FAM81A: variants seen among roughly 807,000 people sequenced by gnomAD.
FAM81A encodes the protein protein FAM81A.
Under a neutral mutation model 46.7 loss-of-function variants are expected in FAM81A, and 19 were observed. The observed-to-expected ratio is 0.41, with a 90% CI of 0.28 to 0.60. FAM81A has a LOEUF of 0.60. FAM81A is among the 20% of genes least tolerant of loss of function. The pLI is 0.34. For synonymous variants in FAM81A, 183 were observed against 152.9 expected, an observed-to-expected ratio of 1.20 and a Z score of -1.45; for missense variants, 377 against 453.5, an observed-to-expected ratio of 0.83 and a Z score of 1.53.
chr15:59,511,817 ATT>A (rs1277579616), intron 6 of FAM81A, among the ~76,000 whole-genome samples: 1 of 151,880 alleles, frequency 6.6e-6, no homozygotes, highest in Non-Finnish European at 1.5e-5. Flanking sequence ...TGCCCAGCTA[ATT>A]TTTGTATTTT....
At chr15:59,449,454 G>A (rs1380183282) in intron 1 of FAM81A, among the ~76,000 whole-genome samples, 1 of 152,096 alleles carries the variant, frequency 6.6e-6, no homozygotes, top group Non-Finnish European at 1.5e-5. Context: ...TTACAGATTT[G>A]GCATATTATT....
Position 59,478,529 on chromosome 15 carries a change from T to A in FAM81A, c.295-13742T>A, listed in dbSNP as rs74019605. On this transcript the variant is annotated intron_variant, in intron 3 of 8. Coordinates refer to ENST00000288228, the MANE Select transcript of FAM81A (RefSeq NM_152450.3). ...TCCAGTACTGCCAATGAGGAAAGAG[T>A]TTTGGCTACTGGACTTCATGCATTT... Among the ~76,000 whole-genome samples, 868 of 152,048 alleles carry A rather than the reference T, an allele frequency of 5.7e-3. 14 individuals carry two copies. Among genetic ancestry groups the A allele is most frequent in the African/African-American group, 0.02 (818 of 41,476 alleles).
At chr15:59,454,603 A>G (rs780279628) in intron 1 of FAM81A, among the ~76,000 whole-genome samples, 52 of 151,918 alleles carry the variant, frequency 3.4e-4, no homozygotes, top group Non-Finnish European at 6.9e-4. Context: ...TATATATTGC[A>G]TATTTTGGGC....
At chr15:59,477,321 T>C (rs143060649) in intron 3 of FAM81A, among the ~76,000 whole-genome samples, 104 of 152,250 alleles carry the variant, frequency 6.8e-4, no homozygotes, top group African/African-American at 2.3e-3. Flanking sequence ...TTATTGCTGG[T>C]TTATAGCTGT....
intron 1 of FAM81A, among the ~76,000 whole-genome samples, chr15:59,449,582 C>G (rs905085691): frequency 6.6e-6 from 1 of 151,982 alleles, no homozygotes; most frequent in Non-Finnish European, 1.5e-5. Flanking sequence ...GAGATCGAGA[C>G]CATCCTGGCT....
At chr15:59,467,252 T>C (rs1462718438) in intron 3 of FAM81A, among the ~76,000 whole-genome samples, 2 of 152,202 alleles carry the variant, frequency 1.3e-5, no homozygotes, top group Admixed American at 6.5e-5. Flanking sequence ...AGAAAGTCAT[T>C]GGTAGCTTGA....
At chr15:59,412,423 G>T (rs2081125260) in intron 2 of FAM81A, among the ~76,000 whole-genome samples, 2 of 152,118 alleles carry the variant, frequency 1.3e-5, no homozygotes, top group Admixed American at 1.3e-4. Flanking sequence ...TCAAAAGACG[G>T]TTCCAAAGAA....
chr15:59,431,532 C>A (rs1241174077), intron 2 of FAM81A, among the ~76,000 whole-genome samples: 2 of 135,496 alleles, frequency 1.5e-5, no homozygotes, highest in Admixed American at 7.4e-5. Context: ...TGCAACCAGC[C>A]TTTTTTTTTT....
intron 3 of FAM81A, among the ~76,000 whole-genome samples, chr15:59,462,534 A>G (rs772270797): frequency 6.6e-6 from 1 of 152,218 alleles, no homozygotes. Context: ...CTACCATTTT[A>G]ACCATTTTAA....
chr15:59,504,739 A>G (rs532512053), intron 4 of FAM81A, among the ~76,000 whole-genome samples: 1 of 152,270 alleles, frequency 6.6e-6, no homozygotes, highest in East Asian at 1.9e-4. Context: ...CTTGGATGAT[A>G]GGTTATTTAC....
chr15:59,398,414 A>G (rs1464908638), intron 1 of FAM81A, among the ~76,000 whole-genome samples: 2 of 152,176 alleles, frequency 1.3e-5, no homozygotes, highest in African/African-American at 4.8e-5. Context: ...ACACAAATGA[A>G]AGCAAGAGGT....
chr15:59,469,708 C>A (rs1422616707), intron 3 of FAM81A, among the ~76,000 whole-genome samples: 3 of 152,114 alleles, frequency 2.0e-5, no homozygotes, highest in African/African-American at 7.2e-5. Context: ...GCATTTAGCC[C>A]ACTTACATTT....
chr15:59,519,346 GC>G (rs765588942), intron 8 of FAM81A, among the ~76,000 whole-genome samples: 14 of 151,690 alleles, frequency 9.2e-5, no homozygotes, highest in Non-Finnish European at 1.6e-4. Context: ...GCACCACCAG[GC>G]CCAGCTAATT....
At chr15:59,451,788 G>T (rs968530539) in intron 1 of FAM81A, among the ~76,000 whole-genome samples, 23 of 144,988 alleles carry the variant, frequency 1.6e-4, no homozygotes, top group Non-Finnish European at 2.8e-4. Flanking sequence ...TCTGCTTTTA[G>T]TAGACATGCT....
chr15:59,517,878 G>A (rs8029023), intron 8 of FAM81A, among the ~76,000 whole-genome samples: 4,086 of 152,026 alleles, frequency 0.027, 188 homozygotes, highest in African/African-American at 0.094. Context: ...CATTGAGGAT[G>A]TTAATATTTA....
chr15:59,481,903 T>C (rs1042835517), intron 3 of FAM81A, among the ~76,000 whole-genome samples: 3 of 151,950 alleles, frequency 2.0e-5, no homozygotes, highest in Non-Finnish European at 4.4e-5. Context: ...ATTTTTAATA[T>C]TATAGATTTA....
At chr15:59,515,402 G>A (rs781316482) in intron 7 of FAM81A, among the ~76,000 whole-genome samples, 2 of 152,068 alleles carry the variant, frequency 1.3e-5, no homozygotes, top group Non-Finnish European at 2.9e-5. Flanking sequence ...GGATATTGAT[G>A]ATTGAGCTGA....
upstream of FAM81A, among the ~76,000 whole-genome samples, chr15:59,434,531 C>G (rs1325194415): frequency 1.3e-5 from 2 of 152,178 alleles, no homozygotes; most frequent in Non-Finnish European, 2.9e-5. Flanking sequence ...GGACTTGTCC[C>G]CTGGAAACTT....
intron 3 of FAM81A, among the ~76,000 whole-genome samples, chr15:59,461,413 G>A (rs1348713336): frequency 6.6e-6 from 1 of 152,186 alleles, no homozygotes; most frequent in Non-Finnish European, 1.5e-5. Context: ...GGCGTCCCAA[G>A]TAGCTGGGAC....
Sources: gnomAD v4.1 joint callset for allele counts (sites outside exome capture counted in the v4.1 genomes callset) on GRCh38, gnomAD v4.1.1 for gene constraint, MANE v1.5 for transcripts, NCBI Gene and HGNC (gene_info 2026-07-23, HGNC 2026-07-21) for gene names.